LRP1B: variants seen among roughly 807,000 people sequenced by gnomAD.
LRP1B encodes the protein low-density lipoprotein receptor-related protein 1B.
A neutral mutation model predicts 556.6 loss-of-function variants in LRP1B; 217 were observed. The observed-to-expected ratio is 0.39, with a 90% CI of 0.35 to 0.44. The LOEUF (loss-of-function observed/expected upper bound fraction) is 0.44, where lower values mean the gene tolerates loss of function less well. LRP1B is among the 20% of genes least tolerant of loss of function. LRP1B has a pLI of 1.00. For missense variants in LRP1B, 5,053 were observed against 5,620.8 expected (o/e 0.90, Z 3.23); for synonymous variants, 2,047 against 1,865.8 (o/e 1.10, Z -2.50).
At chr2:140,902,686 A>G (rs1694139131) in intron 23 of LRP1B, among the ~76,000 whole-genome samples, 1 of 152,182 alleles carries the variant, frequency 6.6e-6, no homozygotes, top group Non-Finnish European at 1.5e-5. Context: ...TAATAAAATC[A>G]ATGTTTCGGG....
Position 141,818,969 on chromosome 2 carries a change from G to A in LRP1B, c.83-8568C>T, listed in dbSNP as rs1039987038. ...TAATAAAAACTTTCTGGCCAGGTGC[G>A]GTGGCTCACGCCTGTAATCCCAGCA... On this transcript the variant is annotated intron_variant, in intron 1 of 90. Coordinates refer to ENST00000389484, the MANE Select transcript of LRP1B (RefSeq NM_018557.3). Among the ~76,000 whole-genome samples the A allele has an allele frequency of 2.0e-4, 30 of 151,648 alleles. 1 individual carries two copies. Among genetic ancestry groups the A allele is most frequent in the Non-Finnish European group, 1.6e-4 (11 of 67,882 alleles).
intron 43 of LRP1B, among the ~76,000 whole-genome samples, chr2:140,554,212 C>T (rs1398751540): frequency 6.6e-6 from 1 of 152,036 alleles, no homozygotes. Context: ...AAAATATTGC[C>T]TGAGGTCACC....
At chr2:140,410,468 AAGC>A (rs1171885184) in intron 66 of LRP1B, among the ~76,000 whole-genome samples, 1 of 152,062 alleles carries the variant, frequency 6.6e-6, no homozygotes, top group African/African-American at 2.4e-5. Context: ...ACCTTTTAAT[AAGC>A]CTGCTTGCCT....
intron 1 of LRP1B, among the ~76,000 whole-genome samples, chr2:141,813,952 C>A (rs966081868): frequency 1.3e-5 from 2 of 152,074 alleles, no homozygotes; most frequent in African/African-American, 4.8e-5. Context: ...AGTGGGTTGA[C>A]TGGTCTATGA....
intron 7 of LRP1B, among the ~76,000 whole-genome samples, chr2:141,149,625 C>G (rs989182150): frequency 3.9e-5 from 6 of 152,218 alleles, no homozygotes; most frequent in South Asian, 4.1e-4. Flanking sequence ...AGGGACTACT[C>G]TTGATGTTCC....
chr2:141,032,616 TTTC>T (rs1167502049), intron 11 of LRP1B, among the ~76,000 whole-genome samples: 1 of 152,002 alleles, frequency 6.6e-6, no homozygotes, highest in Non-Finnish European at 1.5e-5. Flanking sequence ...AAAATTTGTA[TTTC>T]TTCTTCTGTG....
chr2:142,076,765 C>T lies in LRP1B; in HGVS notation c.82+53883G>A, dbSNP rs1204777763. Among the ~76,000 whole-genome samples, 6 of 152,004 alleles carry T rather than the reference C, an allele frequency of 3.9e-5. 1 individual carries two copies. Among genetic ancestry groups the T allele is most frequent in the Admixed American group, 3.3e-4 (5 of 15,236 alleles). ...GGAGTCTTTGGAGGTCTCTGTAATA[C>T]TTTTTCTCTTAATATTTATAATCAT... On this transcript the variant is annotated intron_variant, in intron 1 of 90. Transcript: ENST00000389484.
chr2:141,977,203 T>A (rs973710175), intron 1 of LRP1B, among the ~76,000 whole-genome samples: 2 of 150,916 alleles, frequency 1.3e-5, no homozygotes, highest in African/African-American at 5.0e-5. Flanking sequence ...AAATCCTATT[T>A]CTATCTTATT....
At chr2:141,792,949 T>TA (rs1394207195) in intron 2 of LRP1B, among the ~76,000 whole-genome samples, 2 of 151,976 alleles carry the variant, frequency 1.3e-5, no homozygotes, top group Non-Finnish European at 2.9e-5. Flanking sequence ...TTGATAATAA[T>TA]AAAAATTTTT....
At chr2:140,557,420 A>T (rs2105067343) in intron 43 of LRP1B, among the ~76,000 whole-genome samples, 1 of 152,302 alleles carries the variant, frequency 6.6e-6, no homozygotes, top group African/African-American at 2.4e-5. Context: ...ACAAAAATTT[A>T]ACAGTAATAC....
chr2:142,071,939 C>T (rs768165768), intron 1 of LRP1B, among the ~76,000 whole-genome samples: 22 of 152,002 alleles, frequency 1.4e-4, no homozygotes, highest in Non-Finnish European at 2.6e-4. Flanking sequence ...GATCTTCTTC[C>T]TGTGATTCCA....
chr2:140,422,043 A>T (rs553202664), intron 66 of LRP1B, among the ~76,000 whole-genome samples: 1 of 152,224 alleles, frequency 6.6e-6, no homozygotes, highest in Non-Finnish European at 1.5e-5. Context: ...TATTGAAATG[A>T]TTAGGAGGGA....
chr2:141,679,609 C>T (rs575680263), intron 2 of LRP1B, among the ~76,000 whole-genome samples: 1 of 152,074 alleles, frequency 6.6e-6, no homozygotes, highest in Non-Finnish European at 1.5e-5. Flanking sequence ...TAAAGAAACA[C>T]TTTTATGTGA....
Position 141,961,200 on chromosome 2 carries a change from CAG to C in LRP1B, c.83-150801_83-150800del, listed in dbSNP as rs1479964299. The stretch of plus-strand genomic sequence containing the variant: ...ATTTCCTAAACTTGTAATCATTTTT[CAG>C]AGTCATTGCAACAAAGAATTTCTAT... On this transcript the variant is annotated intron_variant, in intron 1 of 90. Coordinates refer to ENST00000389484, the MANE Select transcript of LRP1B (RefSeq NM_018557.3). Among the ~76,000 whole-genome samples, 13 of 151,492 alleles carry C rather than the reference CAG, an allele frequency of 8.6e-5. No individual in the cohort carries two copies. In the East Asian group the frequency reaches 2.3e-3, roughly 27 times the overall value.
At chr2:141,595,649 T>TGCA in intron 2 of LRP1B, among the ~76,000 whole-genome samples, 1 of 152,120 alleles carries the variant, frequency 6.6e-6, no homozygotes, top group Non-Finnish European at 1.5e-5. Flanking sequence ...GCAGATAATA[T>TGCA]GACTCACATC....
intron 1 of LRP1B, among the ~76,000 whole-genome samples, chr2:141,983,808 C>G (rs1702109697): frequency 6.6e-6 from 1 of 152,178 alleles, no homozygotes; most frequent in African/African-American, 2.4e-5. Context: ...CGCCTGCAAT[C>G]CCAGCACTTT....
intron 23 of LRP1B, among the ~76,000 whole-genome samples, chr2:140,889,668 C>A (rs1316273533): frequency 6.6e-6 from 1 of 152,018 alleles, no homozygotes; most frequent in Non-Finnish European, 1.5e-5. Context: ...ATGTTGTTAC[C>A]CCCATTTTAC....
chr2:140,562,524 TG>T (rs1257536641), intron 43 of LRP1B, among the ~76,000 whole-genome samples: 1 of 152,176 alleles, frequency 6.6e-6, no homozygotes, highest in African/African-American at 2.4e-5. Flanking sequence ...GTATTAAAGC[TG>T]GGTGATTGGC....
intron 66 of LRP1B, among the ~76,000 whole-genome samples, chr2:140,390,807 A>AC (rs1683984189): frequency 2.2e-5 from 3 of 135,582 alleles, no homozygotes; most frequent in African/African-American, 5.5e-5. Flanking sequence ...CACACACACA[A>AC]CATATTTGAG....
Sources: allele counts gnomAD v4.1 joint callset (sites outside exome capture counted in the v4.1 genomes callset), GRCh38; gene constraint gnomAD v4.1.1; transcripts MANE v1.5; gene names NCBI Gene and HGNC (gene_info 2026-07-23, HGNC 2026-07-21).